The following VSTM2B variants were observed in gnomAD, a reference collection of about 807,000 sequenced individuals.
VSTM2B encodes the protein V-set and transmembrane domain-containing protein 2B.
VSTM2B carries 24 observed loss-of-function variants against 24.0 expected under a neutral mutation model. The ratio of observed to expected loss-of-function variants is 1.00; its 90% CI spans 0.72 to 1.40. VSTM2B has a LOEUF of 1.40. VSTM2B is among the 40% of genes most tolerant of loss of function. The pLI, the probability that VSTM2B is intolerant of heterozygous loss-of-function variation, is 0.00. For missense variants in VSTM2B, 399 were observed against 416.4 expected (o/e 0.96, Z 0.36); for synonymous variants, 226 against 194.4 (o/e 1.16, Z -1.35).
intron 1 of VSTM2B, 80 bp from the exon 2 acceptor site, chr19:29,527,131 A>AGACC: frequency 2.3e-6 from 3 of 1,291,856 alleles, no homozygotes; most frequent in Non-Finnish European, 3.2e-6. Flanking sequence ...AGCCAGCCAG[A>AGACC]GACCGACTGC....
intron 4 of VSTM2B, among the ~76,000 whole-genome samples, chr19:29,554,147 G>GA (rs1189054908): frequency 6.6e-6 from 1 of 151,946 alleles, no homozygotes; most frequent in African/African-American, 2.4e-5. Context: ...TTGAAATGAA[G>GA]AAAAAAATGT....
chr19:29,540,753 G>A (rs1220852647), intron 4 of VSTM2B, among the ~76,000 whole-genome samples: 1 of 152,180 alleles, frequency 6.6e-6, no homozygotes, highest in Non-Finnish European at 1.5e-5. Flanking sequence ...GACTAATGAG[G>A]TCCTGAGAAA....
chr19:29,543,028 C>G (rs899485595), intron 4 of VSTM2B, among the ~76,000 whole-genome samples: 3 of 152,142 alleles, frequency 2.0e-5, no homozygotes, highest in African/African-American at 4.8e-5. Flanking sequence ...AATCCCTCAG[C>G]CTTTAGGGAC....
At chr19:29,535,101 C>T (rs563181966) in intron 4 of VSTM2B, among the ~76,000 whole-genome samples, 1 of 152,228 alleles carries the variant, frequency 6.6e-6, no homozygotes, top group African/African-American at 2.4e-5. Context: ...TAAAAATAAA[C>T]ATGGACTGCA....
At position 29,526,669 on chromosome 19, in the gene VSTM2B, A is replaced by G. The variant is rs1459463553; in HGVS notation, c.82+4A>G. The G allele has an allele frequency of 6.5e-7, 1 of 1,527,374 alleles. No individual in the cohort carries two copies. The highest frequency in any genetic ancestry group is 8.8e-7 in the Non-Finnish European group (1 of 1,142,396). The allele number at this position is 1,527,374 out of a possible 1,614,324, so 94.6% of individuals were successfully genotyped here. ...CTGCTGCTCTTCGTGGCCGACGGTG[A>G]GCGCGGGAACTTTGCTGCCGCTGTG... On this transcript the variant is annotated splice_donor_region_variant and intron_variant, in intron 1 of 4. Coordinates refer to ENST00000335523, the MANE Select transcript of VSTM2B (RefSeq NM_001146339.2). The surrounding 1 kb of genome is among the most constrained non-coding windows in gnomAD (Gnocchi z 4.1).
rs10415105 is a variant in VSTM2B, at chr19:29,543,116, T to C, written c.769+12826T>C. On this transcript the variant is annotated intron_variant, in intron 4 of 4. Transcript: ENST00000335523. ...AGCCTGGCCCAGATTTGCTGATTCT[T>C]GTCCACGTACAAATTAATGTAGATA... Among the ~76,000 whole-genome samples the C allele has an allele frequency of 2.1e-3, 316 of 152,310 alleles. 1 individual carries two copies. Among genetic ancestry groups the C allele is most frequent in the African/African-American group, 7.1e-3 (295 of 41,560 alleles).
rs548121339 is a variant in VSTM2B, at chr19:29,554,965, G to A, written c.770-8881G>A. 1.4e-3 allele frequency among the ~76,000 whole-genome samples: 208 copies of A among 152,214 alleles called. 1 individual carries two copies. The highest frequency in any genetic ancestry group is 2.0e-3 in the Admixed American group (30 of 15,284). ...ACTTAGACTCCCACACAATAATAGT[G>A]GGAGACTTTAACACCCCATTGTCAA... On this transcript the variant is annotated intron_variant, in intron 4 of 4. Coordinates refer to ENST00000335523, the MANE Select transcript of VSTM2B (RefSeq NM_001146339.2).
chr19:29,537,030 T>TC, intron 4 of VSTM2B, among the ~76,000 whole-genome samples: 1 of 152,296 alleles, frequency 6.6e-6, no homozygotes, highest in East Asian at 1.9e-4. Context: ...TCTTTTTTAT[T>TC]CCCCCATGCT....
chr19:29,560,877 T>C (rs763945766), intron 4 of VSTM2B, among the ~76,000 whole-genome samples: 16 of 152,222 alleles, frequency 1.1e-4, no homozygotes, highest in South Asian at 2.1e-4. Flanking sequence ...CTCACCCTCC[T>C]GTTAGCCATT....
At position 29,528,680 on chromosome 19, in the gene VSTM2B, G is replaced by T. The variant is rs2145458578; in HGVS notation, c.297+218G>T. On this transcript the variant is annotated intron_variant, in intron 3 of 4. Coordinates refer to ENST00000335523, the MANE Select transcript of VSTM2B (RefSeq NM_001146339.2). ...CTTTTGTGTAAATCAAGGGTCCAAG[G>T]CTTGAGTCCCCTAATTCGGCTCGGC... is the stretch of plus-strand genomic sequence containing the variant. Among the ~76,000 whole-genome samples, 2 of 152,352 alleles carry T rather than the reference G, an allele frequency of 1.3e-5. 1 individual carries two copies. Among genetic ancestry groups the T allele is most frequent in the South Asian group, 4.1e-4 (2 of 4,834 alleles).
rs551131905 is a variant in VSTM2B, at chr19:29,531,976, T to A, written c.769+1686T>A. Among the ~76,000 whole-genome samples the A allele has an allele frequency of 3.3e-5, 5 of 152,260 alleles. No homozygotes were observed. In the East Asian group the frequency reaches 7.7e-4, roughly 24 times the overall value. The stretch of plus-strand genomic sequence containing the variant: ...GCATGACATAGAGCCAGCAGACCAG[T>A]GAGGAGAGACAGAAGCAGCCCTTGT... On this transcript the variant is annotated intron_variant, in intron 4 of 4. Coordinates refer to ENST00000335523, the MANE Select transcript of VSTM2B (RefSeq NM_001146339.2).
chr19:29,540,886 C>A (rs1970005114), intron 4 of VSTM2B, among the ~76,000 whole-genome samples: 1 of 152,012 alleles, frequency 6.6e-6, no homozygotes, highest in South Asian at 2.1e-4. Context: ...GAGATTTGAC[C>A]CAGTCAGGGA....
intron 4 of VSTM2B, among the ~76,000 whole-genome samples, chr19:29,552,720 CA>C (rs1199026968): frequency 6.6e-6 from 1 of 152,206 alleles, no homozygotes; most frequent in Non-Finnish European, 1.5e-5. Flanking sequence ...GCTAAGCTCC[CA>C]GGGGGAAGGG....
chr19:29,528,395 G>A (rs1358887432), intron 2 of VSTM2B, 38 bp from the exon 3 acceptor site: 4 of 1,550,910 alleles, frequency 2.6e-6, no homozygotes, highest in East Asian at 4.9e-5. Flanking sequence ...CCAGAAGGCC[G>A]CGAGCCTCAC....
intron 4 of VSTM2B, among the ~76,000 whole-genome samples, chr19:29,553,673 T>G (rs971237889): frequency 6.6e-6 from 1 of 152,000 alleles, no homozygotes; most frequent in Non-Finnish European, 1.5e-5. Flanking sequence ...CTAAGAGACA[T>G]GAGAAAACAT....
At chr19:29,528,032 G>A (rs1649547727) in intron 2 of VSTM2B, among the ~76,000 whole-genome samples, 1 of 152,160 alleles carries the variant, frequency 6.6e-6, no homozygotes, top group South Asian at 2.1e-4. Flanking sequence ...TGAGCCTCCC[G>A]CTGGGTGCTG....
At chr19:29,562,223 G>A (rs946758708) in intron 4 of VSTM2B, among the ~76,000 whole-genome samples, 1 of 152,290 alleles carries the variant, frequency 6.6e-6, no homozygotes, top group Non-Finnish European at 1.5e-5. Context: ...AGGATGATGG[G>A]GGCCAGGACA....
chr19:29,561,672 T>C (rs916523307), intron 4 of VSTM2B, among the ~76,000 whole-genome samples: 3 of 152,192 alleles, frequency 2.0e-5, no homozygotes, highest in Admixed American at 1.3e-4. Flanking sequence ...GTGAGGCCCA[T>C]GGGACCAGTC....
At chr19:29,542,433 CGTAGATGG>C (rs1162232904) in intron 4 of VSTM2B, among the ~76,000 whole-genome samples, 1 of 134,974 alleles carries the variant, frequency 7.4e-6, no homozygotes, top group Non-Finnish European at 1.6e-5. Context: ...AAGAATGATG[CGTAGATGG>C]GTAGATGGGT....
Sources: allele counts gnomAD v4.1 joint callset (sites outside exome capture counted in the v4.1 genomes callset), GRCh38; gene constraint gnomAD v4.1.1; non-coding constraint Gnocchi (gnomAD v3.1); transcripts MANE v1.5; gene names NCBI Gene and HGNC (gene_info 2026-07-23, HGNC 2026-07-21).